Variants in REDIC1 observed in about 807,000 individuals in gnomAD.
The protein encoded by REDIC1 is regulator of DNA class I crossover intermediates 1, also known as HEI10 Interacting Protein 1.
At chr12:39,695,953 C>T in the REDIC1 span, among the ~76,000 whole-genome samples, 4 of 152,170 alleles carry the variant, frequency 2.6e-5, no homozygotes, top group South Asian at 8.3e-4. Flanking sequence ...ACAAGAGTCT[C>T]TGCTTGGTAA....
chr12:39,817,489 T>G, the REDIC1 span, among the ~76,000 whole-genome samples: 1 of 152,176 alleles, frequency 6.6e-6, no homozygotes, highest in African/African-American at 2.4e-5. Context: ...GCAGAGAGAT[T>G]TTCTTGCCTG....
chr12:39,715,577 T>C, the REDIC1 span, among the ~76,000 whole-genome samples: 19 of 151,960 alleles, frequency 1.3e-4, no homozygotes, highest in South Asian at 3.9e-3. Flanking sequence ...AAAAAACAAT[T>C]CTAAAATCTG....
the REDIC1 span, among the ~76,000 whole-genome samples, chr12:39,680,335 G>T: frequency 6.6e-6 from 1 of 151,974 alleles, no homozygotes; most frequent in Non-Finnish European, 1.5e-5. Context: ...TAGACAATTT[G>T]CAAAAGAAGA....
the REDIC1 span, among the ~76,000 whole-genome samples, chr12:39,787,220 A>C: frequency 1.3e-5 from 2 of 152,296 alleles, no homozygotes; most frequent in Non-Finnish European, 1.5e-5. Context: ...TTCACCACTT[A>C]CTACCTTCCA....
the REDIC1 span, among the ~76,000 whole-genome samples, chr12:39,891,650 A>G: frequency 1.3e-5 from 2 of 152,136 alleles, no homozygotes; most frequent in Non-Finnish European, 2.9e-5. Context: ...GACAATCCTT[A>G]AGGTATGTAT....
the REDIC1 span, among the ~76,000 whole-genome samples, chr12:39,842,663 G>A: frequency 6.6e-6 from 1 of 152,016 alleles, no homozygotes; most frequent in Non-Finnish European, 1.5e-5. Context: ...TTTTAACAAT[G>A]TTAAAGCTTG....
the REDIC1 span, among the ~76,000 whole-genome samples, chr12:39,895,681 C>A: frequency 2.1e-5 from 3 of 141,394 alleles, no homozygotes; most frequent in African/African-American, 7.8e-5. Flanking sequence ...TGTATACGTA[C>A]ACACATATGT....
chr12:39,712,836 T>C, the REDIC1 span, among the ~76,000 whole-genome samples: 3 of 121,102 alleles, frequency 2.5e-5, no homozygotes, highest in African/African-American at 5.5e-5. Context: ...TGTATATACA[T>C]ATACACGTAT....
the REDIC1 span, among the ~76,000 whole-genome samples, chr12:39,649,467 C>G: frequency 2.0e-5 from 3 of 151,352 alleles, no homozygotes; most frequent in Non-Finnish European, 3.0e-5. Flanking sequence ...AGTTTTGCAC[C>G]TCTGTCACTC....
chr12:39,734,816 G>A, the REDIC1 span, among the ~76,000 whole-genome samples: 1 of 152,102 alleles, frequency 6.6e-6, no homozygotes, highest in Non-Finnish European at 1.5e-5. Flanking sequence ...GCTAGACTTG[G>A]TTGCTTGCAT....
At chr12:39,755,171 A>G in the REDIC1 span, 1 of 152,096 alleles carries the variant, frequency 6.6e-6, no homozygotes, top group African/African-American at 2.4e-5. Context: ...ATATCACTAA[A>G]TCTCCATAAA....
chr12:39,743,825 T>C, the REDIC1 span, among the ~76,000 whole-genome samples: 3 of 151,990 alleles, frequency 2.0e-5, no homozygotes, highest in African/African-American at 7.3e-5. Flanking sequence ...AAAAGGAACA[T>C]AATCTCTAAG....
chr12:39,894,034 A>C, the REDIC1 span, among the ~76,000 whole-genome samples: 1 of 152,242 alleles, frequency 6.6e-6, no homozygotes, highest in African/African-American at 2.4e-5. Context: ...TGTGTAGTAC[A>C]TTTGATAGGC....
the REDIC1 span, chr12:39,721,308 T>A: frequency 7.0e-7 from 1 of 1,425,044 alleles, no homozygotes; most frequent in Non-Finnish European, 9.7e-7. Context: ...AAAACAACAG[T>A]AAATGTTGAA....
chr12:39,650,246 C>G, the REDIC1 span: 7 of 1,606,326 alleles, frequency 4.4e-6, no homozygotes, highest in Admixed American at 1.2e-4. This position sits in a 1 kb window ranked among gnomAD's most constrained non-coding sequence, Gnocchi z 4.3. Flanking sequence ...CAGCGCAGTA[C>G]TGTTAACTGT....
the REDIC1 span, among the ~76,000 whole-genome samples, chr12:39,727,065 G>A: frequency 1.3e-5 from 2 of 151,998 alleles, no homozygotes; most frequent in Non-Finnish European, 2.9e-5. Flanking sequence ...CTGGATATTA[G>A]CCCTTTGTCA....
At chr12:39,767,051 C>A in the REDIC1 span, among the ~76,000 whole-genome samples, 1 of 152,074 alleles carries the variant, frequency 6.6e-6, no homozygotes, top group African/African-American at 2.4e-5. Context: ...AATAGTGAAT[C>A]CTTTCCAGAA....
chr12:39,875,332 C>G, the REDIC1 span, among the ~76,000 whole-genome samples: 2 of 152,188 alleles, frequency 1.3e-5, no homozygotes, highest in Non-Finnish European at 2.9e-5. Context: ...AATGATTTGT[C>G]AAGTCCCTCT....
chr12:39,726,787 A>G, the REDIC1 span, among the ~76,000 whole-genome samples: 2 of 152,194 alleles, frequency 1.3e-5, no homozygotes, highest in African/African-American at 4.8e-5. Flanking sequence ...CCAACAGTGT[A>G]AAAGCATTCC....
Sources: gnomAD v4.1 joint callset for allele counts (sites outside exome capture counted in the v4.1 genomes callset) on GRCh38, gnomAD v4.1.1 for gene constraint, Gnocchi (gnomAD v3.1) non-coding constraint, MANE v1.5 for transcripts, NCBI Gene and HGNC (gene_info 2026-07-23, HGNC 2026-07-21) for gene names.